Variants in TRPS1 observed in about 807,000 individuals in gnomAD.
The protein encoded by TRPS1 is zinc finger transcription factor Trps1.
In TRPS1, 6 loss-of-function variants were observed where a neutral mutation model predicts 101.2. That is an observed-to-expected ratio of 0.06 (90% CI 0.03 to 0.12). TRPS1 has a LOEUF of 0.12. Ranked by LOEUF, TRPS1 falls within the 10% of genes least tolerant of loss-of-function variation. The pLI, the probability that TRPS1 is intolerant of heterozygous loss-of-function variation, is 1.00. For missense variants in TRPS1, 1,363 were observed against 1,567.0 expected (o/e 0.87, Z 2.20); for synonymous variants, 578 against 589.8 (o/e 0.98, Z 0.29).
At chr8:115,660,854 T>C (rs1811776644) in intron 1 of TRPS1, among the ~76,000 whole-genome samples, 1 of 151,932 alleles carries the variant, frequency 6.6e-6, no homozygotes, top group South Asian at 2.1e-4. Flanking sequence ...CTTGATGAAA[T>C]AGGACATAGA....
intron 5 of TRPS1, among the ~76,000 whole-genome samples, chr8:115,497,350 A>C (rs2130126648): frequency 6.6e-6 from 1 of 152,308 alleles, no homozygotes; most frequent in South Asian, 2.1e-4. Flanking sequence ...GCAGTTGCTG[A>C]TCTGATAGGA....
chr8:115,600,151 G>A (rs1177984812), intron 4 of TRPS1, among the ~76,000 whole-genome samples: 2 of 152,138 alleles, frequency 1.3e-5, no homozygotes, highest in African/African-American at 2.4e-5. Flanking sequence ...CGAAGTGCCT[G>A]TTCATATAGT....
intron 1 of TRPS1, among the ~76,000 whole-genome samples, chr8:115,642,766 A>C (rs1321587539): frequency 6.6e-6 from 1 of 151,314 alleles, no homozygotes; most frequent in Non-Finnish European, 1.5e-5. Context: ...TAGTAAGTTT[A>C]ATCATTTTTA....
Position 115,485,127 on chromosome 8 carries a change from G to A in TRPS1, c.2701-66675C>T, listed in dbSNP as rs185666111. On this transcript the variant is annotated intron_variant, in intron 5 of 6. Coordinates refer to ENST00000395715, the MANE Select transcript of TRPS1 (RefSeq NM_014112.5). ...CTTGATATACACACACAAGCCCTGAGTTTTGTTTGGCTGGTCTCAGAAGAG... is the reference window on the plus strand; with the variant it reads ...CTTGATATACACACACAAGCCCTGAATTTTGTTTGGCTGGTCTCAGAAGAG... Among the ~76,000 whole-genome samples, 223 of 152,302 alleles carry A rather than the reference G, an allele frequency of 1.5e-3. 1 individual carries two copies. The highest frequency in any genetic ancestry group is 5.1e-3 in the African/African-American group (213 of 41,562).
chr8:115,666,939 CTT>C (rs1466358856), intron 1 of TRPS1, among the ~76,000 whole-genome samples: 1 of 152,200 alleles, frequency 6.6e-6, no homozygotes, highest in African/African-American at 2.4e-5. Context: ...ATAGGCCTAA[CTT>C]GTCTCAGATT....
At chr8:115,606,214 G>T (rs980158973) in intron 3 of TRPS1, among the ~76,000 whole-genome samples, 1 of 152,066 alleles carries the variant, frequency 6.6e-6, no homozygotes, top group African/African-American at 2.4e-5. Context: ...AAATAATATT[G>T]CTGTAGTACA....
rs577498325 is a variant in TRPS1, at chr8:115,437,395, C to T, written c.2701-18943G>A. Among the ~76,000 whole-genome samples, 7 of 152,294 alleles carry T rather than the reference C, an allele frequency of 4.6e-5. No homozygotes were observed. The Middle Eastern group carries it at 0.01, about 222-fold the overall frequency. Reference sequence around the variant, plus strand: ...ATGCTGGAAGGTTCACAATAAAAGCCCTTGTGGCCAGCTCATAGGAGAATC... The same window carrying T: ...ATGCTGGAAGGTTCACAATAAAAGCTCTTGTGGCCAGCTCATAGGAGAATC... On this transcript the variant is annotated intron_variant, in intron 5 of 6. Transcript: ENST00000395715.
At chr8:115,607,714 G>A (rs964928668) in intron 3 of TRPS1, among the ~76,000 whole-genome samples, 3 of 151,500 alleles carry the variant, frequency 2.0e-5, no homozygotes, top group Non-Finnish European at 2.9e-5. Flanking sequence ...ATTTTAAAAC[G>A]CAGTTTTGGA....
chr8:115,626,217 A>G (rs377713459), intron 1 of TRPS1, among the ~76,000 whole-genome samples: 2 of 151,602 alleles, frequency 1.3e-5, no homozygotes, highest in African/African-American at 4.8e-5. Context: ...AGCAAACTAG[A>G]TAGCTTCCAT....
chr8:115,515,991 T>C (rs988713994), intron 5 of TRPS1, among the ~76,000 whole-genome samples: 3 of 151,434 alleles, frequency 2.0e-5, no homozygotes, highest in African/African-American at 4.8e-5. Flanking sequence ...TTGGCAATTA[T>C]CCTTTTAAAA....
intron 5 of TRPS1, among the ~76,000 whole-genome samples, chr8:115,470,574 A>G (rs959921366): frequency 6.6e-6 from 1 of 152,190 alleles, no homozygotes; most frequent in Non-Finnish European, 1.5e-5. Flanking sequence ...CTTTTGTTTC[A>G]TCTGGTCAAT....
chr8:115,667,761 A>C, intron 1 of TRPS1: 2 of 1,391,174 alleles, frequency 1.4e-6, no homozygotes, highest in Middle Eastern at 1.8e-4. Context: ...TGAAGCCTGC[A>C]TTTGCAAACT....
rs1813456173 is a variant in TRPS1 at position 115,436,440 on chromosome 8, CTTG to C, written c.2701-17991_2701-17989del. On this transcript the variant is annotated intron_variant, in intron 5 of 6. Transcript: ENST00000395715. ...TCAAACCAATGTCCTCAAATAGGGT[CTTG>C]TTGGGCAAACTTGGGTCATGTCCCT... Among the ~76,000 whole-genome samples the C allele has an allele frequency of 5.3e-5, 8 of 152,252 alleles. No individual in the cohort carries two copies. The South Asian group carries it at 1.7e-3, about 32-fold the overall frequency.
chr8:115,449,284 G>C (rs1813810137), intron 5 of TRPS1, among the ~76,000 whole-genome samples: 2 of 151,790 alleles, frequency 1.3e-5, no homozygotes, highest in Non-Finnish European at 2.9e-5. Flanking sequence ...CACTTTTCCA[G>C]TTCTCTAAAA....
chr8:115,568,194 CACATTTTATATAAGAATGA>C (rs1563609904), intron 5 of TRPS1, among the ~76,000 whole-genome samples: 1 of 151,966 alleles, frequency 6.6e-6, no homozygotes, highest in Non-Finnish European at 1.5e-5. Context: ...AAATGCCAGA[CACATTTTATATAAGAATGA>C]ACAATTAATC....
intron 5 of TRPS1, among the ~76,000 whole-genome samples, chr8:115,479,457 C>T (rs1814696701): frequency 1.3e-5 from 2 of 152,018 alleles, no homozygotes; most frequent in African/African-American, 4.8e-5. Context: ...TAAAATGAAA[C>T]AAAACTTATT....
chr8:115,535,185 T>C (rs907757641), intron 5 of TRPS1, among the ~76,000 whole-genome samples: 35 of 147,526 alleles, frequency 2.4e-4, no homozygotes, highest in Non-Finnish European at 3.9e-4. Flanking sequence ...ATATAGCATA[T>C]GTATAGCATA....
At chr8:115,542,093 T>C (rs900052421) in intron 5 of TRPS1, among the ~76,000 whole-genome samples, 9 of 152,216 alleles carry the variant, frequency 5.9e-5, no homozygotes, top group African/African-American at 2.2e-4. Context: ...CAATATTCCA[T>C]TTGTAATTTG....
chr8:115,454,365 G>T (rs2129941601), intron 5 of TRPS1, among the ~76,000 whole-genome samples: 1 of 152,274 alleles, frequency 6.6e-6, no homozygotes, highest in South Asian at 2.1e-4. Context: ...GTCTTTTAAA[G>T]CTTTTCAAGT....
Sources: allele counts gnomAD v4.1 joint callset (sites outside exome capture counted in the v4.1 genomes callset), GRCh38; gene constraint gnomAD v4.1.1; transcripts MANE v1.5; gene names NCBI Gene and HGNC (gene_info 2026-07-23, HGNC 2026-07-21).